QSOX2: variants seen among roughly 807,000 people sequenced by gnomAD.
QSOX2 encodes the protein quiescin sulfhydryl oxidase 2.
In QSOX2, 46 loss-of-function variants were observed where a neutral mutation model predicts 61.7. The observed-to-expected ratio is 0.75, with a 90% CI of 0.59 to 0.95. The LOEUF (loss-of-function observed/expected upper bound fraction) is 0.95, where lower values mean the gene tolerates loss of function less well. QSOX2 is among the 40% of genes least tolerant of loss of function. The pLI, the probability that QSOX2 is intolerant of heterozygous loss-of-function variation, is 0.00. For missense variants in QSOX2, 879 were observed against 918.9 expected (o/e 0.96, Z 0.56); for synonymous variants, 383 against 388.4 (o/e 0.99, Z 0.16).
In QSOX2 at chr9:136,245,324, C is replaced by T. The variant is rs116018134; in HGVS notation, c.328+152G>A. 2.2e-3 allele frequency: 1,442 copies of T among 642,596 alleles called. 13 individuals carry two copies. In the African/African-American group the frequency reaches 0.025, roughly 11 times the overall value. 39.8% of individuals were successfully genotyped at this position (642,596 alleles called of 1,614,324 possible). On this transcript the variant is annotated intron_variant, in intron 1 of 11. Coordinates refer to ENST00000358701, the MANE Select transcript of QSOX2 (RefSeq NM_181701.4). ...TGGAAAGGCCAGGGTTGGTCCGAGTCGGGTGCCTCTGTGGGGCAGGGACTG... is the reference window on the plus strand; with the variant it reads ...TGGAAAGGCCAGGGTTGGTCCGAGTTGGGTGCCTCTGTGGGGCAGGGACTG...
chr9:136,218,600 C>T (rs200912016), intron 8 of QSOX2, 79 bp downstream of exon 8: 20 of 1,506,900 alleles, frequency 1.3e-5, no homozygotes, highest in Non-Finnish European at 1.7e-5. Flanking sequence ...GGAGCCCCCG[C>T]AGTGTCCGAC....
At chr9:136,226,241 A>ACACATGCTATG (rs1830278885) in intron 2 of QSOX2, among the ~76,000 whole-genome samples, 1 of 152,186 alleles carries the variant, frequency 6.6e-6, no homozygotes, top group African/African-American at 2.4e-5. Context: ...CCGCAGGTAC[A>ACACATGCTATG]CACATGCTAT....
chr9:136,218,037 T>G (rs555406618), intron 8 of QSOX2, among the ~76,000 whole-genome samples: 264 of 152,386 alleles, frequency 1.7e-3, no homozygotes, highest in African/African-American at 6.0e-3. Context: ...GCCTAAGCCT[T>G]CTTGTCATTT....
intron 8 of QSOX2, among the ~76,000 whole-genome samples, chr9:136,217,377 G>A (rs557608683): frequency 3.3e-5 from 5 of 152,302 alleles, no homozygotes; most frequent in African/African-American, 9.6e-5. Flanking sequence ...GAAATCTCAC[G>A]GGTGGCAATG....
At chr9:136,214,146 C>T (rs1831881553) in intron 10 of QSOX2, among the ~76,000 whole-genome samples, 1 of 152,206 alleles carries the variant, frequency 6.6e-6, no homozygotes, top group African/African-American at 2.4e-5. Flanking sequence ...CTGGGAAGCA[C>T]ACACACAACA....
intron 9 of QSOX2, 32 bp from the exon 10 acceptor site, chr9:136,215,336 G>A: frequency 6.9e-7 from 1 of 1,444,546 alleles, no homozygotes; most frequent in Non-Finnish European, 9.3e-7. Flanking sequence ...AAACCCCAAA[G>A]AATAAAAGAT....
chr9:136,213,011 C>T (rs1463074685), intron 10 of QSOX2, among the ~76,000 whole-genome samples: 2 of 152,120 alleles, frequency 1.3e-5, no homozygotes, highest in Admixed American at 6.5e-5. Flanking sequence ...TACACTAGGG[C>T]TGGTCCTAGA....
chr9:136,222,771 C>G lies in QSOX2; in HGVS notation c.676-830G>C, dbSNP rs560617502. On this transcript the variant is annotated intron_variant, in intron 5 of 11. Transcript: ENST00000358701. This position sits in a 1 kb window ranked among gnomAD's most constrained non-coding sequence, Gnocchi z 6.9. ...AGCGTGCCCGGCACCAAGACGGTCCCACACCCGCCTCTTCTCAGGGGAACA... is the reference window on the plus strand; with the variant it reads ...AGCGTGCCCGGCACCAAGACGGTCCGACACCCGCCTCTTCTCAGGGGAACA... Among the ~76,000 whole-genome samples the G allele has an allele frequency of 5.7e-4, 87 of 152,308 alleles. No individual in the cohort carries two copies. Among genetic ancestry groups the G allele is most frequent in the African/African-American group, 1.9e-3 (80 of 41,568 alleles).
intron 1 of QSOX2, among the ~76,000 whole-genome samples, chr9:136,238,041 G>A (rs1329360919): frequency 3.3e-5 from 5 of 152,168 alleles, no homozygotes; most frequent in African/African-American, 4.8e-5. Context: ...GCGAGCTCAC[G>A]AGTAACCACA....
chr9:136,229,508 T>C (rs1024463025), intron 1 of QSOX2, among the ~76,000 whole-genome samples: 2 of 150,716 alleles, frequency 1.3e-5, no homozygotes, highest in Admixed American at 6.6e-5. Flanking sequence ...TATTCCACAC[T>C]TTTTTTAAAA....
intron 1 of QSOX2, among the ~76,000 whole-genome samples, chr9:136,239,041 T>G (rs1830413938): frequency 6.6e-6 from 1 of 152,236 alleles, no homozygotes; most frequent in Non-Finnish European, 1.5e-5. Flanking sequence ...TCCTCTGTGC[T>G]GGCCATGCCC....
chr9:136,209,598 A>G lies in QSOX2; in HGVS notation c.1550-323T>C. ...AAACCACCCAGCACTCCACTTCCAA[A>G]ACGGAGCATGCAGCTCTCACCTGGA... On this transcript the variant is annotated intron_variant, in intron 11 of 11. Coordinates refer to ENST00000358701, the MANE Select transcript of QSOX2 (RefSeq NM_181701.4). This position sits in a 1 kb window ranked among gnomAD's most constrained non-coding sequence, Gnocchi z 5.6. 1.0e-6 allele frequency: 1 copy of G among 985,156 alleles called. No homozygotes were observed. Among genetic ancestry groups the G allele is most frequent in the Non-Finnish European group, 1.2e-6 (1 of 829,840 alleles). The allele number at this position is 985,156 out of a possible 1,614,324, so 61.0% of individuals were successfully genotyped here.
chr9:136,228,236 C>T (rs1830300440), intron 1 of QSOX2, among the ~76,000 whole-genome samples: 1 of 152,162 alleles, frequency 6.6e-6, no homozygotes, highest in Non-Finnish European at 1.5e-5. Context: ...TGCACCAGGG[C>T]TGCAGTGAAA....
At chr9:136,218,596 C>T (rs908681151) in intron 8 of QSOX2, 83 bp downstream of exon 8, 10 of 1,488,436 alleles carry the variant, frequency 6.7e-6, no homozygotes, top group African/African-American at 1.4e-5. Context: ...TGGCGGAGCC[C>T]CCGCAGTGTC....
chr9:136,212,109 G>A (rs7040556), intron 10 of QSOX2, among the ~76,000 whole-genome samples: 36,149 of 152,160 alleles, frequency 0.24, 5,037 homozygotes, highest in South Asian at 0.34. Flanking sequence ...ACATGGACAG[G>A]CCGGGGCGCT....
At chr9:136,212,505 T>A (rs1054045165) in intron 10 of QSOX2, among the ~76,000 whole-genome samples, 1 of 152,236 alleles carries the variant, frequency 6.6e-6, no homozygotes, top group African/African-American at 2.4e-5. Flanking sequence ...CCGACACTTC[T>A]TGTTTATTTC....
rs71384066 is a variant in QSOX2, at chr9:136,208,291, T to TGGAGGGTGCAGGGAGGGCCAATGTGG, written c.*436_*437insCCACATTGGCCCTCCCTGCACCCTCC. The TGGAGGGTGCAGGGAGGGCCAATGTGG allele has an allele frequency of 1.5e-5, 1 of 67,840 alleles. No homozygotes were observed. Among genetic ancestry groups the TGGAGGGTGCAGGGAGGGCCAATGTGG allele is most frequent in the African/African-American group, 6.1e-5 (1 of 16,398 alleles). 4.2% of individuals were successfully genotyped at this position (67,840 alleles called of 1,614,324 possible). ...GCGGGGGGAGGGGGAGCGAGGGGAG[T>TGGAGGGTGCAGGGAGGGCCAATGTGG]GGGGGGGAGCCAGGAGCCGCGGGGG... On this transcript the variant is annotated 3_prime_UTR_variant, in exon 12 of 12. Transcript: ENST00000358701.
At chr9:136,220,702 A>AT (rs1831970571) in intron 6 of QSOX2, among the ~76,000 whole-genome samples, 1 of 149,998 alleles carries the variant, frequency 6.7e-6, no homozygotes, top group Non-Finnish European at 1.5e-5. Flanking sequence ...TTTCTCAACC[A>AT]TTTTTCATTT....
In QSOX2 at chr9:136,208,020, AAC is replaced by A. The variant is rs1346680771; in HGVS notation, c.*706_*707del. Reference sequence around the variant, plus strand: ...AAGGCCTCTGGGGGTTATTTTCTGAAACGCAGCACAGCCACAGAATTCCTTGG... The same window carrying A: ...AAGGCCTCTGGGGGTTATTTTCTGAAGCAGCACAGCCACAGAATTCCTTGG... On this transcript the variant is annotated 3_prime_UTR_variant, in exon 12 of 12. Coordinates refer to ENST00000358701, the MANE Select transcript of QSOX2 (RefSeq NM_181701.4). 6.6e-6 allele frequency: 1 copy of A among 151,904 alleles called. No individual in the cohort carries two copies. Among genetic ancestry groups the A allele is most frequent in the Non-Finnish European group, 1.5e-5 (1 of 67,986 alleles). The allele number at this position is 151,904 out of a possible 1,614,324, so 9.4% of individuals were successfully genotyped here.
Sources: allele counts gnomAD v4.1 joint callset (sites outside exome capture counted in the v4.1 genomes callset), GRCh38; gene constraint gnomAD v4.1.1; non-coding constraint Gnocchi (gnomAD v3.1); transcripts MANE v1.5; gene names NCBI Gene and HGNC (gene_info 2026-07-23, HGNC 2026-07-21).